The following SLC8A3 variants were observed in gnomAD, a reference collection of about 807,000 sequenced individuals.
The protein encoded by SLC8A3 is solute carrier family 8 member A3.
SLC8A3 carries 37 observed loss-of-function variants against 65.4 expected under a neutral mutation model. The observed-to-expected ratio is 0.57, with a 90% confidence interval of 0.44 to 0.74. SLC8A3 has a LOEUF of 0.74. SLC8A3 is among the 30% of genes least tolerant of loss of function. The pLI is 0.00. For missense variants in SLC8A3, 1,112 were observed against 1,172.1 expected (o/e 0.95, Z 0.75); for synonymous variants, 461 against 444.5 (o/e 1.04, Z -0.47).
At position 70,167,973 on chromosome 14, in the gene SLC8A3, G is replaced by C. The variant is rs781255529; in HGVS notation, c.450C>G (p.Leu150=). ...CATGACCACACACCTCAATTAAAGAGAGGAGTATCTCAGGAGCAGAGGAAC... is the reference window on the plus strand; with the variant it reads ...CATGACCACACACCTCAATTAAAGACAGGAGTATCTCAGGAGCAGAGGAAC... ...ALGSSAPEIL[L]SLIEVCGHGF... is the part of the protein sequence containing the mutation. Residue 150 remains leucine, a synonymous_variant, in exon 2 of 7, where the codon CTC becomes CTG. Coordinates refer to ENST00000356921, the MANE Select transcript of SLC8A3 (RefSeq NM_182932.3). The C allele has an allele frequency of 2.6e-5, 42 of 1,614,136 alleles. No homozygotes were observed. Among genetic ancestry groups the C allele is most frequent in the Non-Finnish European group, 3.5e-5 (41 of 1,180,010 alleles).
intron 2 of SLC8A3, among the ~76,000 whole-genome samples, chr14:70,133,738 C>G (rs1221782076): frequency 6.6e-6 from 1 of 152,150 alleles, no homozygotes; most frequent in Non-Finnish European, 1.5e-5. Flanking sequence ...AAACCCAGCT[C>G]TGATAGAAGC....
chr14:70,079,330 C>CAA lies in SLC8A3; in HGVS notation c.1785-18393_1785-18392dup, dbSNP rs11464342. 7.4e-3 allele frequency among the ~76,000 whole-genome samples: 595 copies of CAA among 80,912 alleles called. 2 individuals carry two copies. Among genetic ancestry groups the CAA allele is most frequent in the African/African-American group, 9.8e-3 (207 of 21,138 alleles). 53.1% of individuals were successfully genotyped at this position (80,912 alleles called of 152,430 possible). A position where few individuals can be genotyped will look rare whatever the true frequency, so the allele number is the denominator to read the frequency against. On this transcript the variant is annotated intron_variant, in intron 2 of 6. Coordinates refer to ENST00000356921, the MANE Select transcript of SLC8A3 (RefSeq NM_182932.3). ...GAAACCCTGTCTCTACTAAAAAATA[C>CAA]AAAAAAAAAAAAAAAAAAAAAAATC...
intron 2 of SLC8A3, among the ~76,000 whole-genome samples, chr14:70,083,080 C>A (rs1359624934): frequency 6.6e-6 from 1 of 152,142 alleles, no homozygotes; most frequent in Non-Finnish European, 1.5e-5. Flanking sequence ...ATTTTAAAAA[C>A]CTTCATAAGT....
chr14:70,144,679 CAT>C (rs2140285196), intron 2 of SLC8A3, among the ~76,000 whole-genome samples: 1 of 151,526 alleles, frequency 6.6e-6, no homozygotes, highest in Non-Finnish European at 1.5e-5. Flanking sequence ...TGGCTCCAAA[CAT>C]ATCTCCAAAA....
At chr14:70,163,688 T>C (rs1256273216) in intron 2 of SLC8A3, among the ~76,000 whole-genome samples, 1 of 152,162 alleles carries the variant, frequency 6.6e-6, no homozygotes, top group African/African-American at 2.4e-5. Context: ...TTAAGCAAGT[T>C]GTCTGAAAAA....
At chr14:70,071,362 C>T (rs1269447184) in intron 2 of SLC8A3, among the ~76,000 whole-genome samples, 5 of 152,208 alleles carry the variant, frequency 3.3e-5, no homozygotes, top group South Asian at 2.1e-4. Flanking sequence ...ATCGCATGAA[C>T]GCTTAAAAGC....
At chr14:70,161,770 A>G (rs1896908985) in intron 2 of SLC8A3, among the ~76,000 whole-genome samples, 1 of 152,212 alleles carries the variant, frequency 6.6e-6, no homozygotes, top group Non-Finnish European at 1.5e-5. Context: ...CAAAAAATCG[A>G]TTGTGTTTTA....
intron 1 of SLC8A3, among the ~76,000 whole-genome samples, chr14:70,181,662 G>A (rs1025628320): frequency 5.9e-5 from 9 of 152,156 alleles, no homozygotes; most frequent in Admixed American, 1.3e-4. Context: ...CACAAAAGCA[G>A]AAAGGGCAAG....
At chr14:70,081,046 A>G (rs1891011691) in intron 2 of SLC8A3, among the ~76,000 whole-genome samples, 1 of 152,234 alleles carries the variant, frequency 6.6e-6, no homozygotes, top group Admixed American at 6.5e-5. Context: ...AAAACTAATT[A>G]TTTAAAGCTG....
chr14:70,121,183 G>C (rs568924309), intron 2 of SLC8A3, among the ~76,000 whole-genome samples: 1 of 152,074 alleles, frequency 6.6e-6, no homozygotes, highest in Admixed American at 6.5e-5. Flanking sequence ...TTTTACAAGA[G>C]AGATTAAACA....
intron 2 of SLC8A3, among the ~76,000 whole-genome samples, chr14:70,101,882 G>T (rs1349048040): frequency 6.6e-6 from 1 of 152,174 alleles, no homozygotes; most frequent in Non-Finnish European, 1.5e-5. Context: ...TGACAGTTTA[G>T]CTCCCCTGAG....
At chr14:70,095,833 T>C (rs559757105) in intron 2 of SLC8A3, among the ~76,000 whole-genome samples, 1 of 152,198 alleles carries the variant, frequency 6.6e-6, no homozygotes, top group South Asian at 2.1e-4. Flanking sequence ...TTTCAGCACC[T>C]GTTAAGGCCT....
At chr14:70,109,790 A>G (rs1190953581) in intron 2 of SLC8A3, among the ~76,000 whole-genome samples, 2 of 152,236 alleles carry the variant, frequency 1.3e-5, no homozygotes, top group East Asian at 3.8e-4. Context: ...AATAAGAACA[A>G]AATATATCCT....
chr14:70,051,851 T>C (rs1388819505), intron 4 of SLC8A3, 139 bp downstream of exon 4: 2 of 649,542 alleles, frequency 3.1e-6, no homozygotes, highest in Non-Finnish European at 5.3e-6. Flanking sequence ...ATGGGGAAAC[T>C]GAGACCTGGG....
At chr14:70,101,402 A>G (rs1446124364) in intron 2 of SLC8A3, among the ~76,000 whole-genome samples, 1 of 152,184 alleles carries the variant, frequency 6.6e-6, no homozygotes, top group African/African-American at 2.4e-5. Flanking sequence ...GAACGTGTGA[A>G]AAAACCTGGT....
chr14:70,143,093 G>A (rs1352647828), intron 2 of SLC8A3, among the ~76,000 whole-genome samples: 2 of 152,184 alleles, frequency 1.3e-5, no homozygotes, highest in Non-Finnish European at 2.9e-5. Context: ...CCTTAAATGA[G>A]CGCTGTTGGA....
At position 70,117,325 on chromosome 14, in the gene SLC8A3, T is replaced by C. The variant is rs566238560; in HGVS notation, c.1784+49314A>G. Among the ~76,000 whole-genome samples, 24 of 152,354 alleles carry C rather than the reference T, an allele frequency of 1.6e-4. No homozygotes were observed. The Middle Eastern group carries it at 0.017, about 108-fold the overall frequency. The stretch of plus-strand genomic sequence containing the variant: ...TTGGAGACATTTCTGAAGGGTCATC[T>C]GTGCTTAGAGCTCCTCATGGCCCAG... On this transcript the variant is annotated intron_variant, in intron 2 of 6. Coordinates refer to ENST00000356921, the MANE Select transcript of SLC8A3 (RefSeq NM_182932.3).
chr14:70,049,118 C>A, intron 5 of SLC8A3, 76 bp from the exon 6 acceptor site: 2 of 1,406,786 alleles, frequency 1.4e-6, no homozygotes, highest in Non-Finnish European at 2.0e-6. Flanking sequence ...AAGCCCAACC[C>A]GCACCACAGG....
At chr14:70,096,826 T>C (rs370496455) in intron 2 of SLC8A3, among the ~76,000 whole-genome samples, 21 of 152,134 alleles carry the variant, frequency 1.4e-4, no homozygotes, top group African/African-American at 4.6e-4. Context: ...CTTTGGTCTT[T>C]TGCGGGATGA....
Sources: allele counts gnomAD v4.1 joint callset (sites outside exome capture counted in the v4.1 genomes callset), GRCh38; gene constraint gnomAD v4.1.1; transcripts MANE v1.5; gene names NCBI Gene and HGNC (gene_info 2026-07-23, HGNC 2026-07-21).